PPARGC1A: variants seen among roughly 807,000 people sequenced by gnomAD.
PPARGC1A encodes peroxisome proliferator-activated receptor gamma coactivator 1-alpha.
PPARGC1A carries 25 observed loss-of-function variants against 88.7 expected under a neutral mutation model. That is an observed-to-expected ratio of 0.28 (90% CI 0.21 to 0.39). PPARGC1A has a LOEUF of 0.39. Among genes scored for constraint, PPARGC1A ranks in the 10% least tolerant of loss-of-function variants. The probability of loss-of-function intolerance (pLI) is 1.00; values close to 1 mark genes in which losing one functional copy is unlikely to be tolerated. For synonymous variants in PPARGC1A, 363 were observed against 355.6 expected, an observed-to-expected ratio of 1.02 and a Z score of -0.24; for missense variants, 880 against 968.7, an observed-to-expected ratio of 0.91 and a Z score of 1.22.
At chr4:23,802,159 T>A (rs895269898) in intron 11 of PPARGC1A, 65 bp downstream of exon 11, 7 of 1,606,594 alleles carry the variant, frequency 4.4e-6, no homozygotes, top group Non-Finnish European at 6.0e-6. Flanking sequence ...ATCCCAGTAA[T>A]CTTATGGCCA....
the PPARGC1A span, among the ~76,000 whole-genome samples, chr4:24,238,743 ATATGTGTGTGTGTGTGTGTG>A: frequency 5.8e-4 from 69 of 118,642 alleles, no homozygotes; most frequent in South Asian, 0.018. Flanking sequence ...CCAAGGTTGT[ATATGTGTGTGTGTGTGTGTG>A]TGTGTGTGTG....
chr4:23,862,683 T>C (rs1731426933), intron 2 of PPARGC1A, among the ~76,000 whole-genome samples: 1 of 152,214 alleles, frequency 6.6e-6, no homozygotes, highest in Non-Finnish European at 1.5e-5. Context: ...TCTTAAGATG[T>C]TGAGTCCAGT....
intron 1 of PPARGC1A, among the ~76,000 whole-genome samples, chr4:23,895,159 G>GAAAAA (rs773200297): frequency 3.7e-5 from 2 of 53,586 alleles, no homozygotes; most frequent in Admixed American, 4.6e-4. Context: ...TTGTTTAACT[G>GAAAAA]AAAAAAAAAA....
At chr4:24,302,933 A>C in the PPARGC1A span, among the ~76,000 whole-genome samples, 16 of 152,342 alleles carry the variant, frequency 1.1e-4, no homozygotes, top group African/African-American at 3.8e-4. Context: ...TCTACTTCAG[A>C]AGTCGTTCTA....
the PPARGC1A span, among the ~76,000 whole-genome samples, chr4:23,976,076 C>T: frequency 5.9e-5 from 9 of 152,094 alleles, no homozygotes; most frequent in Non-Finnish European, 7.4e-5. Context: ...TTGAAATTCT[C>T]GCCATACAAG....
the PPARGC1A span, among the ~76,000 whole-genome samples, chr4:24,398,573 C>T: frequency 3.7e-4 from 56 of 152,264 alleles, no homozygotes; most frequent in East Asian, 9.6e-3. Flanking sequence ...TTTACCATGT[C>T]CTCTTTTCTG....
the PPARGC1A span, among the ~76,000 whole-genome samples, chr4:24,211,501 G>A: frequency 3.3e-5 from 5 of 151,986 alleles, no homozygotes; most frequent in South Asian, 2.1e-4. Flanking sequence ...CCCCAGCTTC[G>A]TCCTACATAG....
intron 7 of PPARGC1A, among the ~76,000 whole-genome samples, chr4:23,815,273 C>T (rs574544629): frequency 3.9e-5 from 6 of 152,200 alleles, no homozygotes; most frequent in Admixed American, 6.5e-5. Context: ...GATTCTTTGT[C>T]GCCACAGTTC....
the PPARGC1A span, among the ~76,000 whole-genome samples, chr4:24,274,815 T>C: frequency 4.6e-5 from 7 of 152,196 alleles, no homozygotes; most frequent in African/African-American, 1.7e-4. Context: ...TCTACATTTT[T>C]TTTTAAATTA....
At chr4:24,152,705 C>A in the PPARGC1A span, among the ~76,000 whole-genome samples, 1 of 152,236 alleles carries the variant, frequency 6.6e-6, no homozygotes, top group South Asian at 2.1e-4. Flanking sequence ...TCAAGAATTC[C>A]CAGAGTTAAC....
the PPARGC1A span, among the ~76,000 whole-genome samples, chr4:23,923,109 G>T: frequency 7.6e-6 from 1 of 131,388 alleles, no homozygotes; most frequent in South Asian, 2.6e-4. Context: ...ACTGGGTTTT[G>T]TTGCTTGTTT....
chr4:24,233,979 AT>A, the PPARGC1A span, among the ~76,000 whole-genome samples: 1 of 152,198 alleles, frequency 6.6e-6, no homozygotes, highest in African/African-American at 2.4e-5. Flanking sequence ...AACACAATGA[AT>A]GTCAGGTTCA....
the PPARGC1A span, among the ~76,000 whole-genome samples, chr4:24,162,193 A>G: frequency 6.6e-6 from 1 of 152,126 alleles, no homozygotes; most frequent in African/African-American, 2.4e-5. Context: ...GAATGATACA[A>G]TGGACTTTGG....
At chr4:24,462,754 C>T in the PPARGC1A span, among the ~76,000 whole-genome samples, 11 of 149,516 alleles carry the variant, frequency 7.4e-5, no homozygotes, top group Admixed American at 6.1e-4. Context: ...TAGTATGGAC[C>T]GGGCGGTCTG....
chr4:24,135,623 T>C, the PPARGC1A span, among the ~76,000 whole-genome samples: 7 of 152,164 alleles, frequency 4.6e-5, no homozygotes, highest in Non-Finnish European at 1.0e-4. Flanking sequence ...TGCAAAATGT[T>C]TGCAGATGCC....
At chr4:24,141,352 T>C in the PPARGC1A span, among the ~76,000 whole-genome samples, 1 of 152,200 alleles carries the variant, frequency 6.6e-6, no homozygotes, top group African/African-American at 2.4e-5. Flanking sequence ...AGCTACACAG[T>C]GGACACAGGT....
rs537361920 is a variant in PPARGC1A at position 23,844,647 on chromosome 4, T to TAA, written c.235-12897_235-12896insTT. 5.2e-3 allele frequency among the ~76,000 whole-genome samples: 492 copies of TAA among 94,460 alleles called. 21 individuals carry two copies. The highest frequency in any genetic ancestry group is 0.019 in the African/African-American group (425 of 21,950). 62.0% of individuals were successfully genotyped at this position (94,460 alleles called of 152,430 possible). ...TTAATATATAATAATATATATCATA[T>TAA]TATATGATATATATCATATATTATA... On this transcript the variant is annotated intron_variant, in intron 2 of 12. Coordinates refer to ENST00000264867, the MANE Select transcript of PPARGC1A (RefSeq NM_013261.5).
the PPARGC1A span, among the ~76,000 whole-genome samples, chr4:24,439,248 C>T: frequency 4.2e-3 from 634 of 152,254 alleles, 7 homozygotes; most frequent in African/African-American, 0.014. Flanking sequence ...TAAGGCTAAA[C>T]GCAGCACCCT....
At chr4:23,874,114 T>TAA (rs2148787310) in intron 2 of PPARGC1A, among the ~76,000 whole-genome samples, 1 of 152,362 alleles carries the variant, frequency 6.6e-6, no homozygotes, top group Admixed American at 6.5e-5. Flanking sequence ...CAAGCCAGAA[T>TAA]ATGACTCTAT....
Sources: gnomAD v4.1 joint callset for allele counts (sites outside exome capture counted in the v4.1 genomes callset) on GRCh38, gnomAD v4.1.1 for gene constraint, MANE v1.5 for transcripts, NCBI Gene and HGNC (gene_info 2026-07-23, HGNC 2026-07-21) for gene names.